FAM13A: variants seen among roughly 807,000 people sequenced by gnomAD.
FAM13A encodes the protein family with sequence similarity 13 member A.
In FAM13A, 76 loss-of-function variants were observed where a neutral mutation model predicts 129.6. The ratio of observed to expected loss-of-function variants is 0.59; its 90% CI spans 0.49 to 0.71. FAM13A has a LOEUF of 0.71. Among genes scored for constraint, FAM13A ranks in the 30% least tolerant of loss-of-function variants. The pLI is 0.00. For synonymous variants in FAM13A, 443 were observed against 449.9 expected, an observed-to-expected ratio of 0.98 and a Z score of 0.20; for missense variants, 1,108 against 1,249.3, an observed-to-expected ratio of 0.89 and a Z score of 1.70.
At chr4:88,954,747 A>C (rs1757475342) in intron 4 of FAM13A, among the ~76,000 whole-genome samples, 2 of 151,970 alleles carry the variant, frequency 1.3e-5, no homozygotes, top group African/African-American at 4.8e-5. Context: ...TTAGCCAGGT[A>C]TGGTGGTGCG....
At chr4:89,016,028 A>G (rs964361768) in intron 3 of FAM13A, among the ~76,000 whole-genome samples, 11 of 152,138 alleles carry the variant, frequency 7.2e-5, no homozygotes, top group African/African-American at 2.7e-4. Context: ...TACGGGAAGT[A>G]TTCCATAAGA....
intron 4 of FAM13A, among the ~76,000 whole-genome samples, chr4:88,947,283 C>G (rs924451379): frequency 6.6e-6 from 1 of 152,040 alleles, no homozygotes; most frequent in Non-Finnish European, 1.5e-5. Flanking sequence ...TGGTAGTGTG[C>G]ACCTGTAGTC....
chr4:89,019,674 T>C (rs1363125917), intron 3 of FAM13A, among the ~76,000 whole-genome samples: 1 of 150,698 alleles, frequency 6.6e-6, no homozygotes, highest in African/African-American at 2.4e-5. Context: ...GGTAGAAGAA[T>C]TGCTTGAACC....
intron 13 of FAM13A, among the ~76,000 whole-genome samples, chr4:88,759,935 A>G (rs568006448): frequency 6.6e-6 from 1 of 152,344 alleles, no homozygotes; most frequent in African/African-American, 2.4e-5. Context: ...ATTATAAACA[A>G]AAGTGTTTAT....
intron 17 of FAM13A, 118 bp downstream of exon 17, chr4:88,748,834 T>G: frequency 5.1e-6 from 4 of 786,294 alleles, no homozygotes; most frequent in East Asian, 2.5e-5. Context: ...CTGAGAGTGC[T>G]GGGAAGCATC....
At chr4:89,051,392 T>C (rs1268153504) in intron 1 of FAM13A, among the ~76,000 whole-genome samples, 1 of 152,154 alleles carries the variant, frequency 6.6e-6, no homozygotes, top group Non-Finnish European at 1.5e-5. Context: ...CCTCCCAAAG[T>C]CCTCAATTCC....
chr4:89,055,396 T>G, intron 1 of FAM13A, among the ~76,000 whole-genome samples: 1 of 152,200 alleles, frequency 6.6e-6, no homozygotes, highest in East Asian at 1.9e-4. Flanking sequence ...GTGAATAATC[T>G]CTTACACTGT....
intron 5 of FAM13A, among the ~76,000 whole-genome samples, chr4:88,921,434 T>C (rs1474048111): frequency 1.3e-5 from 2 of 152,168 alleles, no homozygotes; most frequent in African/African-American, 2.4e-5. Flanking sequence ...ACCCAGAATT[T>C]CATATCCAGC....
intron 4 of FAM13A, among the ~76,000 whole-genome samples, chr4:88,986,227 G>A (rs976983472): frequency 5.3e-5 from 8 of 151,186 alleles, no homozygotes; most frequent in African/African-American, 9.7e-5. Context: ...TCCACCTCCC[G>A]GGTTCAAGTG....
At chr4:89,010,555 TAGAAA>T (rs1313307890) in intron 3 of FAM13A, among the ~76,000 whole-genome samples, 2 of 152,208 alleles carry the variant, frequency 1.3e-5, no homozygotes, top group East Asian at 1.9e-4. Flanking sequence ...TGTGTACAGA[TAGAAA>T]AGAAAAGATT....
At chr4:88,794,469 C>G (rs1053588985) in intron 8 of FAM13A, among the ~76,000 whole-genome samples, 4 of 151,878 alleles carry the variant, frequency 2.6e-5, no homozygotes, top group Non-Finnish European at 5.9e-5. Flanking sequence ...ATAAGATGCA[C>G]AGATGCCTGT....
At chr4:88,845,257 C>T (rs1209065342) in intron 7 of FAM13A, among the ~76,000 whole-genome samples, 1 of 151,416 alleles carries the variant, frequency 6.6e-6, no homozygotes, top group Non-Finnish European at 1.5e-5. Flanking sequence ...GAGAATGAAA[C>T]ACAGAACAAA....
chr4:88,997,461 C>A (rs1763700645), intron 3 of FAM13A, among the ~76,000 whole-genome samples: 2 of 151,928 alleles, frequency 1.3e-5, no homozygotes, highest in African/African-American at 4.8e-5. Context: ...AGCATACAGA[C>A]AAATCTACTC....
At chr4:89,021,542 G>A (rs960497317) in intron 2 of FAM13A, among the ~76,000 whole-genome samples, 2 of 152,204 alleles carry the variant, frequency 1.3e-5, no homozygotes, top group African/African-American at 2.4e-5. Flanking sequence ...ACAATGTGGG[G>A]TGCCTAGGTC....
At chr4:88,898,497 T>G (rs568576960) in intron 6 of FAM13A, among the ~76,000 whole-genome samples, 1 of 152,210 alleles carries the variant, frequency 6.6e-6, no homozygotes, top group African/African-American at 2.4e-5. Context: ...AGCATAAGTT[T>G]TATAAGGAAA....
intron 6 of FAM13A, chr4:88,855,223 T>C (rs1006715047): frequency 6.6e-6 from 1 of 152,206 alleles, no homozygotes; most frequent in Non-Finnish European, 1.5e-5. Context: ...GATTTTCTTT[T>C]TTCTTTTTTG....
At chr4:88,947,610 G>A (rs1251623774) in intron 4 of FAM13A, among the ~76,000 whole-genome samples, 1 of 151,932 alleles carries the variant, frequency 6.6e-6, no homozygotes, top group Non-Finnish European at 1.5e-5. Flanking sequence ...ACCTGTTCCT[G>A]CCATACAAGG....
chr4:88,804,477 A>G (rs1434557947), intron 8 of FAM13A, among the ~76,000 whole-genome samples: 1 of 152,176 alleles, frequency 6.6e-6, no homozygotes, highest in Non-Finnish European at 1.5e-5. Context: ...ACAGCATTCA[A>G]TCACCAGAGA....
intron 4 of FAM13A, among the ~76,000 whole-genome samples, chr4:88,967,196 ATTAT>A (rs1391077295): frequency 6.6e-6 from 1 of 152,176 alleles, no homozygotes; most frequent in African/African-American, 2.4e-5. Flanking sequence ...TATTATAATG[ATTAT>A]TTATTTGTAT....
Sources: gnomAD v4.1 joint callset for allele counts (sites outside exome capture counted in the v4.1 genomes callset) on GRCh38, gnomAD v4.1.1 for gene constraint, MANE v1.5 for transcripts, NCBI Gene and HGNC (gene_info 2026-07-23, HGNC 2026-07-21) for gene names.